The following CACNG6 variants were observed in gnomAD, a reference collection of about 807,000 sequenced individuals.
The protein encoded by CACNG6 is calcium voltage-gated channel auxiliary subunit gamma 6, also known as voltage-dependent calcium channel gamma-6 subunit.
A neutral mutation model predicts 23.9 loss-of-function variants in CACNG6; 21 were observed. The ratio of observed to expected loss-of-function variants is 0.88; its 90% CI spans 0.62 to 1.26. CACNG6 has a LOEUF of 1.26. Among genes scored for constraint, CACNG6 ranks in the 50% most tolerant of loss-of-function variants. The pLI, the probability that CACNG6 is intolerant of heterozygous loss-of-function variation, is 0.00. For missense variants in CACNG6, 340 were observed against 352.9 expected (o/e 0.96, Z 0.29); for synonymous variants, 182 against 168.9 (o/e 1.08, Z -0.60).
intron 3 of CACNG6, among the ~76,000 whole-genome samples, chr19:54,002,081 ATCTC>A (rs1182364370): frequency 1.4e-5 from 2 of 145,154 alleles, no homozygotes; most frequent in East Asian, 4.1e-4. Context: ...GTCTCTTTCT[ATCTC>A]TCTCTTTTTT....
chr19:53,991,169 TTCCTC>T (rs2069454627), upstream of CACNG6, among the ~76,000 whole-genome samples: 1 of 144,224 alleles, frequency 6.9e-6, no homozygotes, highest in Non-Finnish European at 1.5e-5. Context: ...GGAGACCAGG[TTCCTC>T]TCCTCTCAGA....
intron 3 of CACNG6, among the ~76,000 whole-genome samples, chr19:54,009,252 C>G (rs2069678385): frequency 6.6e-6 from 1 of 152,124 alleles, no homozygotes; most frequent in Non-Finnish European, 1.5e-5. Flanking sequence ...GAAACCCCGT[C>G]TCTACTAAAA....
chr19:54,006,877 T>C (rs1444171397), intron 3 of CACNG6, among the ~76,000 whole-genome samples: 2 of 151,696 alleles, frequency 1.3e-5, no homozygotes, highest in African/African-American at 4.8e-5. Context: ...TTATTTTATT[T>C]TGTAGAGACA....
intron 3 of CACNG6, among the ~76,000 whole-genome samples, chr19:54,001,674 A>AG (rs2069577317): frequency 6.6e-6 from 1 of 152,138 alleles, no homozygotes; most frequent in Non-Finnish European, 1.5e-5. Context: ...CTCTCTGGGG[A>AG]GGTGACATTG....
intron 2 of CACNG6, 39 bp from the exon 3 acceptor site, chr19:53,999,595 T>G: frequency 2.5e-6 from 4 of 1,605,464 alleles, no homozygotes; most frequent in Non-Finnish European, 3.4e-6. Flanking sequence ...ATTCCCTACA[T>G]CCCATGTTCT....
chr19:53,991,588 AGGGTGGGG>A (rs2069459342), upstream of CACNG6, among the ~76,000 whole-genome samples: 1 of 2,178 alleles, frequency 4.6e-4, no homozygotes. Context: ...TGGAGGGTGG[AGGGTGGGG>A]GGTGGGCGGG....
At position 53,999,654 on chromosome 19, in the gene CACNG6, G is replaced by T; in HGVS notation, c.427G>T (p.Val143Leu). ...GGCAGAGGTGAATCTGGCAGCTGCG[G>T]TGATAGCAGTGCTGGGCCTGGCAGT... Reference protein sequence around the residue: ...TKKEVNLAAAVIAVLGLAVMA... With the variant: ...TKKEVNLAAALIAVLGLAVMA... Residue 143 changes from valine to leucine, a missense_variant, in exon 3 of 4, where the codon GTG (valine) becomes TTG (leucine). Coordinates refer to ENST00000252729, the MANE Select transcript of CACNG6 (RefSeq NM_145814.2). 6.2e-7 allele frequency: 1 copy of T among 1,613,798 alleles called. No homozygotes were observed. The highest frequency in any genetic ancestry group is 8.5e-7 in the Non-Finnish European group (1 of 1,179,966).
chr19:54,006,832 G>C (rs1219199135), intron 3 of CACNG6, among the ~76,000 whole-genome samples: 2 of 139,226 alleles, frequency 1.4e-5, no homozygotes, highest in African/African-American at 5.6e-5. Flanking sequence ...ACTGTGCCCG[G>C]CCTTCTTTTT....
chr19:54,003,839 A>G (rs2069605709), intron 3 of CACNG6, among the ~76,000 whole-genome samples: 1 of 152,064 alleles, frequency 6.6e-6, no homozygotes, highest in South Asian at 2.1e-4. Flanking sequence ...CAGAGCAGCT[A>G]GAGTGATACT....
intron 1 of CACNG6, among the ~76,000 whole-genome samples, chr19:53,995,537 G>T (rs1191968077): frequency 6.6e-6 from 1 of 152,178 alleles, no homozygotes; most frequent in Non-Finnish European, 1.5e-5. Flanking sequence ...GCCAAAAGAG[G>T]ATGCCAGGCA....
chr19:54,004,333 TTTTGTGTGTGTG>T (rs1188990020), intron 3 of CACNG6, among the ~76,000 whole-genome samples: 45 of 104,408 alleles, frequency 4.3e-4, no homozygotes, highest in East Asian at 2.4e-3. Flanking sequence ...AATTTTGTAT[TTTTGTGTGTGTG>T]TGTGTGTGTG....
chr19:54,004,331 AT>A (rs532047922), intron 3 of CACNG6, among the ~76,000 whole-genome samples: 872 of 84,306 alleles, frequency 0.01, 30 homozygotes, highest in African/African-American at 0.053. Context: ...TTAATTTTGT[AT>A]TTTTGTGTGT....
chr19:54,002,097 T>G (rs556549022), intron 3 of CACNG6, among the ~76,000 whole-genome samples: 289 of 151,864 alleles, frequency 1.9e-3, no homozygotes, highest in Non-Finnish European at 2.4e-3. Context: ...CTCTTTTTTT[T>G]TTGTTTTTGA....
chr19:54,001,048 G>T (rs1372149697), intron 3 of CACNG6, among the ~76,000 whole-genome samples: 1 of 152,158 alleles, frequency 6.6e-6, no homozygotes. Context: ...GAGTGCAGTG[G>T]CACGATTTCA....
intron 3 of CACNG6, among the ~76,000 whole-genome samples, chr19:54,002,267 G>GGTTTT (rs1555818477): frequency 7.6e-6 from 1 of 131,932 alleles, no homozygotes; most frequent in African/African-American, 3.3e-5. Flanking sequence ...CTAATTTTCG[G>GGTTTT]TTTTTTTGTT....
intron 3 of CACNG6, among the ~76,000 whole-genome samples, chr19:54,004,335 T>G (rs956526425): frequency 1.0e-3 from 111 of 107,318 alleles, no homozygotes; most frequent in East Asian, 2.2e-3. Context: ...TTTTGTATTT[T>G]TGTGTGTGTG....
At chr19:53,991,472 C>A (rs1316410660), upstream of CACNG6, among the ~76,000 whole-genome samples, 2 of 152,106 alleles carry the variant, frequency 1.3e-5, no homozygotes, top group South Asian at 4.1e-4. Context: ...CGGCCTCCCT[C>A]CCCCCTTCCT....
chr19:53,993,735 A>G (rs888761055), intron 1 of CACNG6, among the ~76,000 whole-genome samples: 4 of 144,896 alleles, frequency 2.8e-5, no homozygotes, highest in African/African-American at 1.0e-4. Flanking sequence ...ACCAGTCTAT[A>G]CCCCCAGACC....
intron 3 of CACNG6, among the ~76,000 whole-genome samples, chr19:54,004,334 TTTGTGTGTGTGTGTGTGTGTGTG>T (rs1307505166): frequency 4.0e-5 from 5 of 126,544 alleles, no homozygotes; most frequent in African/African-American, 6.8e-5. Flanking sequence ...ATTTTGTATT[TTTGTGTGTGTGTGTGTGTGTGTG>T]TGTGTGTGTG....
Sources: allele counts gnomAD v4.1 joint callset (sites outside exome capture counted in the v4.1 genomes callset), GRCh38; gene constraint gnomAD v4.1.1; transcripts MANE v1.5; gene names NCBI Gene and HGNC (gene_info 2026-07-23, HGNC 2026-07-21).